The following EYA1 variants were observed in gnomAD, a reference collection of about 807,000 sequenced individuals.
EYA1 encodes the protein protein phosphatase EYA1.
In EYA1, 16 loss-of-function variants were observed where a neutral mutation model predicts 82.0. That is an observed-to-expected ratio of 0.20 (90% confidence interval 0.13 to 0.30). EYA1 has a LOEUF of 0.30. EYA1 is among the 10% of genes least tolerant of loss of function. EYA1 has a pLI of 1.00. For missense variants in EYA1, 633 were observed against 730.7 expected (o/e 0.87, Z 1.54); for synonymous variants, 261 against 264.4 (o/e 0.99, Z 0.12).
chr8:71,333,453 A>G (rs1325532824), intron 4 of EYA1, among the ~76,000 whole-genome samples: 3 of 152,218 alleles, frequency 2.0e-5, no homozygotes, highest in African/African-American at 7.2e-5. Flanking sequence ...AATAATTTTT[A>G]AATGAAATAT....
intron 3 of EYA1, among the ~76,000 whole-genome samples, chr8:71,337,690 T>C (rs1586438225): frequency 6.6e-6 from 1 of 152,350 alleles, no homozygotes; most frequent in East Asian, 1.9e-4. Flanking sequence ...TTCATAAAAA[T>C]GTACATAAAG....
chr8:71,253,875 C>T (rs975513443), intron 11 of EYA1, among the ~76,000 whole-genome samples: 3 of 152,148 alleles, frequency 2.0e-5, no homozygotes, highest in African/African-American at 4.8e-5. Flanking sequence ...TAGAGCTATT[C>T]AAGAAGAGTT....
chr8:71,352,363 T>C (rs1413826981), intron 3 of EYA1, among the ~76,000 whole-genome samples: 1 of 152,160 alleles, frequency 6.6e-6, no homozygotes, highest in African/African-American at 2.4e-5. Context: ...CCAATATTGT[T>C]TGTATCTAAA....
Position 71,427,962 on chromosome 8 carries a change from G to C in EYA1, c.34-71451C>G, listed in dbSNP as rs574072187. Among the ~76,000 whole-genome samples the C allele has an allele frequency of 6.3e-5, 9 of 142,024 alleles. No homozygotes were observed. The South Asian group carries it at 2.1e-3, about 33-fold the overall frequency. The allele number at this position is 142,024 out of a possible 152,430, so 93.2% of individuals were successfully genotyped here. ...ACCATTACACTAAGCCTGGGGGACA[G>C]AGAGAGACCTTGTCTCAAAAAAAAA... On this transcript the variant is annotated intron_variant, in intron 2 of 18. Coordinates refer to the EYA1 transcript ENST00000643681.
At chr8:71,419,435 C>T (rs1333734576) in intron 2 of EYA1, among the ~76,000 whole-genome samples, 6 of 152,152 alleles carry the variant, frequency 3.9e-5, no homozygotes, top group Admixed American at 3.9e-4. Flanking sequence ...ATCATCATAA[C>T]ATTCACTAAA....
At chr8:71,450,382 C>G (rs1807263130) in intron 2 of EYA1, among the ~76,000 whole-genome samples, 1 of 152,130 alleles carries the variant, frequency 6.6e-6, no homozygotes, top group Non-Finnish European at 1.5e-5. Context: ...ATTGTTGTGT[C>G]TCAGGGAATA....
chr8:71,258,679 T>C (rs1814735551), intron 11 of EYA1, among the ~76,000 whole-genome samples: 2 of 152,238 alleles, frequency 1.3e-5, no homozygotes, highest in African/African-American at 4.8e-5. Context: ...GGTTAAACTT[T>C]ATGCTGCTCA....
At chr8:71,439,051 C>G (rs1174428676) in intron 2 of EYA1, among the ~76,000 whole-genome samples, 1 of 152,038 alleles carries the variant, frequency 6.6e-6, no homozygotes, top group Non-Finnish European at 1.5e-5. Flanking sequence ...AAGCAGGGAC[C>G]CAAATATGAG....
chr8:71,517,945 G>GT (rs1215225658), intron 2 of EYA1, among the ~76,000 whole-genome samples: 2 of 151,722 alleles, frequency 1.3e-5, no homozygotes, highest in East Asian at 3.9e-4. Flanking sequence ...GTTTCCCAAT[G>GT]TTTTTTAATC....
At chr8:71,406,445 C>T (rs1830228929) in intron 2 of EYA1, among the ~76,000 whole-genome samples, 1 of 152,236 alleles carries the variant, frequency 6.6e-6, no homozygotes, top group South Asian at 2.1e-4. Context: ...GTGATTTCTG[C>T]ATTTCCATCT....
In EYA1 at chr8:71,362,046, C is replaced by T. The variant is rs569684779; in HGVS notation, c.-454G>A. 89 of 985,360 alleles carry T rather than the reference C, an allele frequency of 9.0e-5. 1 individual carries two copies. The South Asian group carries it at 3.7e-3, about 41-fold the overall frequency. 61.0% of individuals were successfully genotyped at this position (985,360 alleles called of 1,614,324 possible). ...CGCCCAGCGCTCCTTCCCCACCAAACAGCAGCGGCAGATAGCATCTGAGAA... is the reference window on the plus strand; with the variant it reads ...CGCCCAGCGCTCCTTCCCCACCAAATAGCAGCGGCAGATAGCATCTGAGAA... On this transcript the variant is annotated 5_prime_UTR_variant, in exon 1 of 18. Transcript: ENST00000340726.
chr8:71,248,018 T>C (rs1042713259), intron 11 of EYA1, among the ~76,000 whole-genome samples: 6 of 152,232 alleles, frequency 3.9e-5, no homozygotes, highest in Admixed American at 3.9e-4. Context: ...ATTGAAAGAA[T>C]TACTCTATTG....
chr8:71,239,485 G>T (rs1172972751), intron 12 of EYA1, among the ~76,000 whole-genome samples: 1 of 152,162 alleles, frequency 6.6e-6, no homozygotes, highest in Non-Finnish European at 1.5e-5. Flanking sequence ...TGTTATAAGG[G>T]ATGTTTACTA....
intron 2 of EYA1, among the ~76,000 whole-genome samples, chr8:71,395,327 T>C (rs1374083230): frequency 6.6e-6 from 1 of 152,228 alleles, no homozygotes; most frequent in Non-Finnish European, 1.5e-5. Flanking sequence ...TCCAACACTA[T>C]GTTGAATAGG....
At chr8:71,346,756 T>G (rs1354774664) in intron 3 of EYA1, among the ~76,000 whole-genome samples, 1 of 152,094 alleles carries the variant, frequency 6.6e-6, no homozygotes, top group Non-Finnish European at 1.5e-5. Flanking sequence ...GGACAGCCCA[T>G]AGCAACTATA....
intron 4 of EYA1, among the ~76,000 whole-genome samples, chr8:71,332,793 C>G (rs1273474234): frequency 6.6e-6 from 1 of 152,162 alleles, no homozygotes; most frequent in Non-Finnish European, 1.5e-5. Flanking sequence ...TGCCCTTGCT[C>G]TCATACTGTA....
chr8:71,524,243 G>A (rs1813647204), intron 2 of EYA1, among the ~76,000 whole-genome samples: 1 of 152,180 alleles, frequency 6.6e-6, no homozygotes, highest in Non-Finnish European at 1.5e-5. Context: ...TTTACCAGAT[G>A]AGGCTAGGTA....
intron 2 of EYA1, among the ~76,000 whole-genome samples, chr8:71,434,083 G>A (rs996929656): frequency 7.2e-5 from 11 of 152,184 alleles, no homozygotes; most frequent in Non-Finnish European, 1.2e-4. Flanking sequence ...GGTGTGAAAG[G>A]AGAAGCAGAA....
chr8:71,522,110 A>G (rs1813444433), intron 2 of EYA1, among the ~76,000 whole-genome samples: 1 of 152,228 alleles, frequency 6.6e-6, no homozygotes, highest in South Asian at 2.1e-4. Context: ...TATGTGCTTT[A>G]TGTGAAACTT....
Sources: allele counts gnomAD v4.1 joint callset (sites outside exome capture counted in the v4.1 genomes callset), GRCh38; gene constraint gnomAD v4.1.1; transcripts MANE v1.5; gene names NCBI Gene and HGNC (gene_info 2026-07-23, HGNC 2026-07-21).